NALCN: variants seen among roughly 807,000 people sequenced by gnomAD.
The protein encoded by NALCN is sodium leak channel NALCN.
NALCN carries 111 observed loss-of-function variants against 225.3 expected under a neutral mutation model. That is an observed-to-expected ratio of 0.49 (90% CI 0.42 to 0.58). The LOEUF is 0.58. Ranked by LOEUF, NALCN falls within the 20% of genes least tolerant of loss-of-function variation. The pLI, the probability that NALCN is intolerant of heterozygous loss-of-function variation, is 0.00. For missense variants in NALCN, 1,378 were observed against 2,202.4 expected (o/e 0.63, Z 7.49); for synonymous variants, 764 against 769.0 (o/e 0.99, Z 0.11).
intron 34 of NALCN, among the ~76,000 whole-genome samples, chr13:101,079,965 CAG>C (rs1369624692): frequency 6.6e-6 from 1 of 152,124 alleles, no homozygotes; most frequent in Non-Finnish European, 1.5e-5. Context: ...TAGAAGGAAA[CAG>C]GGAAAAACCG....
chr13:101,073,952 T>C (rs556659706), intron 36 of NALCN, among the ~76,000 whole-genome samples: 1 of 152,324 alleles, frequency 6.6e-6, no homozygotes, highest in Admixed American at 6.5e-5. Context: ...ATTCCTTCTT[T>C]CACTTGGACG....
chr13:101,373,049 T>C (rs1412260145), intron 6 of NALCN: 18 of 390,370 alleles, frequency 4.6e-5, no homozygotes, highest in Non-Finnish European at 3.5e-5. Context: ...CAGAGGGCAT[T>C]TGTATAAACA....
intron 18 of NALCN, among the ~76,000 whole-genome samples, chr13:101,120,530 A>T (rs1432078910): frequency 2.0e-5 from 3 of 152,288 alleles, no homozygotes; most frequent in African/African-American, 4.8e-5. Context: ...TAAAAAAAAA[A>T]AAAAACCACT....
intron 19 of NALCN, 71 bp downstream of exon 19, chr13:101,111,054 G>C: frequency 6.7e-7 from 1 of 1,482,178 alleles, no homozygotes; most frequent in African/African-American, 1.4e-5. Flanking sequence ...CCGTGACTGT[G>C]TACAGCGACC....
At chr13:101,056,279 G>GAGAC (rs1157960350) in intron 43 of NALCN, among the ~76,000 whole-genome samples, 29 of 112,652 alleles carry the variant, frequency 2.6e-4, no homozygotes, top group Non-Finnish European at 2.9e-4. Flanking sequence ...TTTTTTTTGG[G>GAGAC]AGACAGGTTC....
chr13:101,075,864 T>C lies in NALCN; in HGVS notation c.3954+9A>G. On this transcript the variant is annotated intron_variant, in intron 35 of 43. Coordinates refer to ENST00000251127, the MANE Select transcript of NALCN (RefSeq NM_052867.4). ...ACCTTTAAGATAAGATTCTTAACAA[T>C]GTACTTACATGTTTTCCACAGATGG... 1 of 1,601,960 alleles carries C rather than the reference T, an allele frequency of 6.2e-7. No individual in the cohort carries two copies. Among genetic ancestry groups the C allele is most frequent in the African/African-American group, 1.3e-5 (1 of 74,474 alleles).
intron 3 of NALCN, 97 bp downstream of exon 3, chr13:101,395,086 G>A (rs1160762785): frequency 1.3e-5 from 16 of 1,225,516 alleles, no homozygotes; most frequent in Non-Finnish European, 1.8e-5. Flanking sequence ...ATAAAATGAT[G>A]TTTTGTTTTA....
intron 27 of NALCN, among the ~76,000 whole-genome samples, chr13:101,098,031 T>G (rs965903643): frequency 2.6e-5 from 4 of 152,126 alleles, no homozygotes; most frequent in African/African-American, 9.7e-5. Flanking sequence ...TCTCAGAAGC[T>G]GTGATTTCGA....
At chr13:101,339,408 G>A (rs879454551) in intron 7 of NALCN, among the ~76,000 whole-genome samples, 2 of 152,198 alleles carry the variant, frequency 1.3e-5, no homozygotes, top group Non-Finnish European at 2.9e-5. Flanking sequence ...TGTCTTAGCA[G>A]GGATGAGTCA....
intron 18 of NALCN, among the ~76,000 whole-genome samples, chr13:101,113,382 G>A (rs770563622): frequency 3.3e-5 from 5 of 152,142 alleles, no homozygotes; most frequent in Non-Finnish European, 7.3e-5. Context: ...ATGATAGGAC[G>A]TTTCTGCATA....
intron 6 of NALCN, among the ~76,000 whole-genome samples, chr13:101,349,271 T>A (rs2045837121): frequency 6.6e-6 from 1 of 152,210 alleles, no homozygotes; most frequent in African/African-American, 2.4e-5. Context: ...CACTTCCATA[T>A]GATATACCCA....
In NALCN at chr13:101,379,801, G is replaced by A. The variant is rs534315544; in HGVS notation, c.292-1148C>T. 1.4e-4 allele frequency among the ~76,000 whole-genome samples: 22 copies of A among 152,118 alleles called. 1 individual carries two copies. In the South Asian group the frequency reaches 2.5e-3, roughly 17 times the overall value. Reference sequence around the variant, plus strand: ...ATGGTGCAGCAAACCACCATGGCACGTGTATACCTGTGTAACAAAACTGCA... The same window carrying A: ...ATGGTGCAGCAAACCACCATGGCACATGTATACCTGTGTAACAAAACTGCA... On this transcript the variant is annotated intron_variant, in intron 3 of 43. Transcript: ENST00000251127.
Position 101,104,967 on chromosome 13 carries a change from A to G in NALCN, c.2580-17T>C, listed in dbSNP as rs1393720163. On this transcript the variant is annotated splice_polypyrimidine_tract_variant and intron_variant, in intron 22 of 43. Transcript: ENST00000251127. This position sits in a 1 kb window ranked among gnomAD's most constrained non-coding sequence, Gnocchi z 4.2. ...GTTTTAGATCTGTAAGAGAACACAT[A>G]TATAAAATTCTGCAACAAAGCAAGC... 3 of 1,609,470 alleles carry G rather than the reference A, an allele frequency of 1.9e-6. No individual in the cohort carries two copies. Among genetic ancestry groups the G allele is most frequent in the Middle Eastern group, 3.3e-4 (2 of 6,038 alleles).
intron 3 of NALCN, among the ~76,000 whole-genome samples, chr13:101,386,151 T>G (rs1003960459): frequency 6.6e-6 from 1 of 152,176 alleles, no homozygotes; most frequent in African/African-American, 2.4e-5. Context: ...ATGCTTTTTA[T>G]TTTGCAGAAA....
At chr13:101,081,452 G>A (rs552798085) in intron 34 of NALCN, 75 bp downstream of exon 34, 1 of 1,596,468 alleles carries the variant, frequency 6.3e-7, no homozygotes, top group East Asian at 2.2e-5. Flanking sequence ...AGTAAAATGA[G>A]ACTGGAAACA....
rs538765060 is a variant in NALCN at position 101,363,165 on chromosome 13, G to A, written c.644+13535C>T. Among the ~76,000 whole-genome samples, 9 of 152,060 alleles carry A rather than the reference G, an allele frequency of 5.9e-5. No homozygotes were observed. In the South Asian group the frequency reaches 1.0e-3, roughly 18 times the overall value. ...TATTGTTAAAATGTCAACACTACCC[G>A]AAGCAATCTACAGTTTCAATGCAAT... On this transcript the variant is annotated intron_variant, in intron 6 of 43. Coordinates refer to ENST00000251127, the MANE Select transcript of NALCN (RefSeq NM_052867.4).
In NALCN at chr13:101,055,304, CAGA is replaced by C; in HGVS notation, c.5205_5207del (p.Leu1736del). On this transcript the variant is annotated inframe_deletion, in exon 44 of 44. Transcript: ENST00000251127. ...CTACATTGACATCCACCTAAATATCCAGAAGGTCATCCCCACTTTCGTCGCTCT... is the reference window on the plus strand; with the variant it reads ...CTACATTGACATCCACCTAAATATCCAGGTCATCCCCACTTTCGTCGCTCT... The C allele has an allele frequency of 3.7e-6, 6 of 1,612,392 alleles. No homozygotes were observed. The highest frequency in any genetic ancestry group is 4.2e-6 in the Non-Finnish European group (5 of 1,179,142).
chr13:101,271,932 C>T (rs1480545628), intron 10 of NALCN, among the ~76,000 whole-genome samples: 1 of 146,616 alleles, frequency 6.8e-6, no homozygotes, highest in Non-Finnish European at 1.5e-5. Context: ...TGTGTATGTA[C>T]GTGTGAAGTG....
chr13:101,384,188 AACACATATGAATGC>A (rs936624854), intron 3 of NALCN, among the ~76,000 whole-genome samples: 6 of 152,170 alleles, frequency 3.9e-5, no homozygotes, highest in African/African-American at 1.4e-4. Flanking sequence ...ACCAGAAGCT[AACACATATGAATGC>A]CCAGTGGTAC....
Sources: allele counts gnomAD v4.1 joint callset (sites outside exome capture counted in the v4.1 genomes callset), GRCh38; gene constraint gnomAD v4.1.1; non-coding constraint Gnocchi (gnomAD v3.1); transcripts MANE v1.5; gene names NCBI Gene and HGNC (gene_info 2026-07-23, HGNC 2026-07-21).